RPA1: variants seen among roughly 807,000 people sequenced by gnomAD.
The protein encoded by RPA1 is replication protein A1.
A neutral mutation model predicts 83.0 loss-of-function variants in RPA1; 49 were observed. That is an observed-to-expected ratio of 0.59 (90% CI 0.47 to 0.75). RPA1 has a LOEUF of 0.75. Among genes scored for constraint, RPA1 ranks in the 30% least tolerant of loss-of-function variants. RPA1 has a pLI of 0.00. For missense variants in RPA1, 693 were observed against 776.1 expected, an observed-to-expected ratio of 0.89 and a Z score of 1.27; for synonymous variants, 279 against 281.8, an observed-to-expected ratio of 0.99 and a Z score of 0.10.
chr17:1,886,782 C>T (rs1047364276), intron 13 of RPA1, among the ~76,000 whole-genome samples: 10 of 149,902 alleles, frequency 6.7e-5, no homozygotes, highest in South Asian at 2.1e-4. Flanking sequence ...TCACAGCTCA[C>T]CTCAGCCTCT....
chr17:1,880,128 G>A (rs1053455137), intron 11 of RPA1, among the ~76,000 whole-genome samples: 6 of 151,808 alleles, frequency 4.0e-5, no homozygotes, highest in Admixed American at 3.3e-4. Flanking sequence ...ACACACAGGA[G>A]GAGCTCCTGG....
At chr17:1,866,902 A>T (rs983600807) in intron 5 of RPA1, among the ~76,000 whole-genome samples, 1 of 152,178 alleles carries the variant, frequency 6.6e-6, no homozygotes, top group Non-Finnish European at 1.5e-5. Flanking sequence ...TTCACTGAAG[A>T]TGTCGTTTCT....
chr17:1,844,558 G>C lies in RPA1; in HGVS notation c.164-20G>C. The C allele has an allele frequency of 6.2e-7, 1 of 1,604,770 alleles. No individual in the cohort carries two copies. The highest frequency in any genetic ancestry group is 8.5e-7 in the Non-Finnish European group (1 of 1,173,462). On this transcript the variant is annotated intron_variant, in intron 3 of 16. Transcript: ENST00000254719. The stretch of plus-strand genomic sequence containing the variant: ...AGACTGCAGGATTTTGGAGGCTAAA[G>C]AAATCTCTGTGGTTTTCAGCTTTCA...
intron 5 of RPA1, among the ~76,000 whole-genome samples, chr17:1,856,659 A>T (rs1265398644): frequency 3.3e-5 from 5 of 151,256 alleles, no homozygotes; most frequent in Non-Finnish European, 7.4e-5. Flanking sequence ...TTTTATTTTT[A>T]TTTAATTTTT....
chr17:1,870,980 C>T (rs1211815405), intron 5 of RPA1, among the ~76,000 whole-genome samples: 1 of 152,104 alleles, frequency 6.6e-6, no homozygotes, highest in Non-Finnish European at 1.5e-5. Context: ...TGTTCTATTT[C>T]TTTCCAGCCA....
intron 5 of RPA1, among the ~76,000 whole-genome samples, chr17:1,856,481 C>T (rs1236750987): frequency 2.0e-5 from 3 of 152,114 alleles, no homozygotes; most frequent in Non-Finnish European, 2.9e-5. Flanking sequence ...CACCTGTAGT[C>T]CCAGCCACTC....
chr17:1,858,968 TC>T (rs1912832659), intron 5 of RPA1, among the ~76,000 whole-genome samples: 1 of 151,516 alleles, frequency 6.6e-6, no homozygotes, highest in African/African-American at 2.4e-5. Flanking sequence ...AGTGGCATGA[TC>T]TTGGCTCACT....
rs539609728 is a variant in RPA1, at chr17:1,893,323, G to C, written c.1659+1383G>C. The stretch of plus-strand genomic sequence containing the variant: ...AATGAGGACATATAGAAACTTCCCC[G>C]AGGAACCGTGAGATCCTGGAGTTCG... On this transcript the variant is annotated intron_variant, in intron 15 of 16. Transcript: ENST00000254719. Among the ~76,000 whole-genome samples, 5 of 152,274 alleles carry C rather than the reference G, an allele frequency of 3.3e-5. No individual in the cohort carries two copies. In the South Asian group the frequency reaches 8.3e-4, roughly 25 times the overall value.
chr17:1,886,856 T>G (rs1021644696), intron 13 of RPA1, among the ~76,000 whole-genome samples: 1 of 152,080 alleles, frequency 6.6e-6, no homozygotes, highest in African/African-American at 2.4e-5. Flanking sequence ...AGACTAGGTC[T>G]CACTATGTTG....
chr17:1,893,543 T>G (rs545716538), intron 15 of RPA1, among the ~76,000 whole-genome samples: 1 of 152,348 alleles, frequency 6.6e-6, no homozygotes, highest in South Asian at 2.1e-4. Context: ...AAACACTAGG[T>G]TGGTGTGAAC....
chr17:1,859,422 T>C (rs1179079857), intron 5 of RPA1, among the ~76,000 whole-genome samples: 1 of 152,258 alleles, frequency 6.6e-6, no homozygotes, highest in African/African-American at 2.4e-5. Flanking sequence ...GTAATAATTG[T>C]AAGTTTCTCT....
In RPA1 at chr17:1,897,094, T is replaced by C. The variant is rs1914465214; in HGVS notation, c.1770T>C (p.Thr590=). Residue 590 remains threonine (T), a synonymous_variant, in exon 17 of 17, where the codon ACT becomes ACC. Coordinates refer to ENST00000254719, the MANE Select transcript of RPA1 (RefSeq NM_002945.5). ...TYNDESRIKA[T]VMDVKPVDYR... is the part of the protein sequence containing the mutation. ...AGGACGAGTCTCGAATTAAGGCCAC[T>C]GTGATGGACGTGAAGCCCGTGGACT... is the stretch of plus-strand genomic sequence containing the variant. The C allele has an allele frequency of 2.5e-6, 4 of 1,573,696 alleles. No homozygotes were observed. Among genetic ancestry groups the C allele is most frequent in the East Asian group, 4.7e-5 (2 of 42,664 alleles).
At chr17:1,875,639 T>A in intron 6 of RPA1, 22 bp from the exon 7 acceptor site, 6 of 1,603,688 alleles carry the variant, frequency 3.7e-6, no homozygotes, top group Non-Finnish European at 5.1e-6. Flanking sequence ...TAACTCCTTT[T>A]CGTTTGCGTT....
At position 1,840,254 on chromosome 17, in the gene RPA1, C is replaced by CT. The variant is rs145934489; in HGVS notation, c.34-2548dup. Among the ~76,000 whole-genome samples the CT allele has an allele frequency of 9.9e-4, 151 of 152,208 alleles. 3 individuals are homozygous for CT. The East Asian group carries it at 0.025, about 25-fold the overall frequency. ...GCTCGAGTGATTCTTCCTCAGCTTT[C>CT]TGAGTAGCTGGGACTACAGGTGTGC... On this transcript the variant is annotated intron_variant, in intron 1 of 16. Transcript: ENST00000254719.
At chr17:1,878,425 CTAATG>C (rs1426637177) in intron 8 of RPA1, among the ~76,000 whole-genome samples, 1 of 151,964 alleles carries the variant, frequency 6.6e-6, no homozygotes, top group Non-Finnish European at 1.5e-5. Context: ...AATTATTGCT[CTAATG>C]TATGGTGGTT....
rs1419523785 is a variant in RPA1, at chr17:1,877,074, G to A, written c.588-138G>A. ...CTGTCAAACCCATGTGTCATCTTGG[G>A]GTTTTAATTAGCTGGATTAAAATAC... On this transcript the variant is annotated intron_variant, in intron 7 of 16. Transcript: ENST00000254719. The A allele has an allele frequency of 1.7e-5, 12 of 725,776 alleles. No homozygotes were observed. In the South Asian group the frequency reaches 1.9e-4, roughly 12 times the overall value. 45.0% of individuals were successfully genotyped at this position (725,776 alleles called of 1,614,324 possible). A position where few individuals can be genotyped will look rare whatever the true frequency, so the allele number is the denominator to read the frequency against.
rs1324431391 is a variant in RPA1, at chr17:1,830,176, C to G, written c.33+50C>G. ...CGGCGGTCCGGGGTGGCTGCGGCCC[C>G]GAGCCTCGCGGAGTAGAGAGGGGGA... On this transcript the variant is annotated intron_variant, in intron 1 of 16. Coordinates refer to ENST00000254719, the MANE Select transcript of RPA1 (RefSeq NM_002945.5). The G allele has an allele frequency of 2.2e-5, 26 of 1,205,942 alleles. No homozygotes were observed. The Admixed American group carries it at 4.9e-4, about 23-fold the overall frequency. The allele number at this position is 1,205,942 out of a possible 1,614,324, so 74.7% of individuals were successfully genotyped here. A position where few individuals can be genotyped will look rare whatever the true frequency, so the allele number is the denominator to read the frequency against.
chr17:1,865,994 A>T (rs1913161416), intron 5 of RPA1, among the ~76,000 whole-genome samples: 1 of 151,986 alleles, frequency 6.6e-6, no homozygotes, highest in Admixed American at 6.6e-5. Flanking sequence ...TAATCCCGAC[A>T]CTTTGGGAGG....
chr17:1,836,175 G>A (rs1258761710), intron 1 of RPA1, among the ~76,000 whole-genome samples: 5 of 151,876 alleles, frequency 3.3e-5, no homozygotes, highest in African/African-American at 1.2e-4. Context: ...GCAGTGGCGT[G>A]ATCTCAGCTC....
Sources: gnomAD v4.1 joint callset for allele counts (sites outside exome capture counted in the v4.1 genomes callset) on GRCh38, gnomAD v4.1.1 for gene constraint, MANE v1.5 for transcripts, NCBI Gene and HGNC (gene_info 2026-07-23, HGNC 2026-07-21) for gene names.